Variants in DPP6 observed in about 807,000 individuals in gnomAD.
DPP6 encodes the protein A-type potassium channel modulatory protein DPP6.
A neutral mutation model predicts 122.6 loss-of-function variants in DPP6; 69 were observed. The ratio of observed to expected loss-of-function variants is 0.56; its 90% confidence interval spans 0.46 to 0.69. DPP6 has a LOEUF of 0.69. DPP6 is among the 30% of genes least tolerant of loss of function. The probability of loss-of-function intolerance (pLI) is 0.00; values close to 1 mark genes in which losing one functional copy is unlikely to be tolerated. For missense variants in DPP6, 928 were observed against 1,116.9 expected (o/e 0.83, Z 2.41); for synonymous variants, 418 against 433.1 (o/e 0.97, Z 0.43).
chr7:154,250,179 A>T (rs1396060611), intron 1 of DPP6, among the ~76,000 whole-genome samples: 2 of 152,044 alleles, frequency 1.3e-5, no homozygotes, highest in Non-Finnish European at 2.9e-5. Context: ...AAGGGACAGG[A>T]ATTGCTCACT....
At chr7:154,712,328 A>C (rs1460555935) in intron 7 of DPP6, among the ~76,000 whole-genome samples, 3 of 152,242 alleles carry the variant, frequency 2.0e-5, no homozygotes, top group East Asian at 1.9e-4. Context: ...CATTCTATCT[A>C]ATAAATCAAG....
intron 2 of DPP6, among the ~76,000 whole-genome samples, chr7:154,468,730 GAT>G (rs1393393249): frequency 6.6e-6 from 1 of 152,176 alleles, no homozygotes; most frequent in Non-Finnish European, 1.5e-5. Flanking sequence ...TAGTTCATAA[GAT>G]GTGCTGAATA....
At chr7:154,855,469 G>T (rs998027999) in intron 17 of DPP6, among the ~76,000 whole-genome samples, 3 of 152,166 alleles carry the variant, frequency 2.0e-5, no homozygotes, top group Non-Finnish European at 4.4e-5. Flanking sequence ...CAGCAAAAAG[G>T]TTCACCTGCT....
chr7:153,988,059 GCTCT>G (rs889186274), intron 1 of DPP6, among the ~76,000 whole-genome samples: 4 of 152,184 alleles, frequency 2.6e-5, no homozygotes, highest in African/African-American at 9.7e-5. Context: ...CTCAGCAACT[GCTCT>G]CTAATTACCC....
chr7:154,776,588 G>A (rs1444903714), intron 10 of DPP6, among the ~76,000 whole-genome samples: 1 of 152,084 alleles, frequency 6.6e-6, no homozygotes, highest in East Asian at 1.9e-4. Context: ...GTTCCTGTGG[G>A]GCGGGCCCTG....
chr7:154,669,330 T>A (rs998963409), intron 6 of DPP6, 30 bp from the exon 7 acceptor site: 14 of 1,551,720 alleles, frequency 9.0e-6, no homozygotes, highest in Middle Eastern at 3.3e-4. Flanking sequence ...AACATTTTGC[T>A]TTGTTTTTGT....
chr7:154,112,806 T>C (rs1408303155), intron 1 of DPP6, among the ~76,000 whole-genome samples: 12 of 152,122 alleles, frequency 7.9e-5, no homozygotes, highest in South Asian at 2.1e-4. Flanking sequence ...TCTTGTTAAC[T>C]GAAAGCACAA....
intron 1 of DPP6, among the ~76,000 whole-genome samples, chr7:154,166,176 T>C (rs1369509104): frequency 6.6e-6 from 1 of 152,142 alleles, no homozygotes; most frequent in Non-Finnish European, 1.5e-5. Context: ...TCTTTCATTC[T>C]CTATTTTAGA....
chr7:154,395,823 C>T (rs867241705), intron 1 of DPP6, among the ~76,000 whole-genome samples: 6 of 151,908 alleles, frequency 3.9e-5, no homozygotes, highest in East Asian at 1.9e-4. Context: ...GGCATCCTTA[C>T]GTTGTTCTCT....
At chr7:154,072,593 A>G (rs995940635) in intron 1 of DPP6, among the ~76,000 whole-genome samples, 4 of 152,292 alleles carry the variant, frequency 2.6e-5, no homozygotes, top group Non-Finnish European at 5.9e-5. Context: ...AAGCACTGGC[A>G]GAGAGCAGGT....
At chr7:154,013,545 A>C (rs1234382159) in intron 1 of DPP6, among the ~76,000 whole-genome samples, 1 of 151,674 alleles carries the variant, frequency 6.6e-6, no homozygotes, top group Admixed American at 6.6e-5. Context: ...AAAACAGGAA[A>C]ATCTATTTGT....
At chr7:153,964,918 C>CTT (rs1170671602) in intron 1 of DPP6, among the ~76,000 whole-genome samples, 22 of 71,388 alleles carry the variant, frequency 3.1e-4, no homozygotes, top group Admixed American at 1.3e-4. Flanking sequence ...CTTTTCCTTT[C>CTT]TTTCTTTCTT....
At chr7:153,928,396 A>ATGTTTTTTTTTTTTTTTTTTTTTTT (rs1275067491) in intron 1 of DPP6, among the ~76,000 whole-genome samples, 3 of 43,700 alleles carry the variant, frequency 6.9e-5, no homozygotes, top group African/African-American at 2.4e-4. Flanking sequence ...CTTTTCTTTC[A>ATGTTTTTTTTTTTTTTTTTTTTTTT]TTTTTTTTTT....
chr7:154,316,803 C>T (rs954882852), intron 1 of DPP6, among the ~76,000 whole-genome samples: 3 of 152,042 alleles, frequency 2.0e-5, no homozygotes, highest in Non-Finnish European at 4.4e-5. Flanking sequence ...GAAACTGTAG[C>T]ACGTACAGTT....
chr7:154,331,685 T>G (rs372589201), intron 1 of DPP6, among the ~76,000 whole-genome samples: 137 of 152,296 alleles, frequency 9.0e-4, no homozygotes, highest in African/African-American at 3.0e-3. Flanking sequence ...TGCTGTGCTG[T>G]GCCTGTGTGC....
At chr7:154,419,950 A>G (rs1048644054) in intron 1 of DPP6, among the ~76,000 whole-genome samples, 3 of 152,218 alleles carry the variant, frequency 2.0e-5, no homozygotes, top group African/African-American at 2.4e-5. Context: ...GTAAACGTCC[A>G]TTGAAATGTG....
chr7:154,194,644 T>C (rs926730745), intron 1 of DPP6, among the ~76,000 whole-genome samples: 2 of 152,230 alleles, frequency 1.3e-5, no homozygotes, highest in African/African-American at 4.8e-5. Flanking sequence ...AATTCTTTCG[T>C]TGTCAGACTT....
chr7:154,884,200 C>T (rs924181376), intron 21 of DPP6: 2 of 114,266 alleles, frequency 1.8e-5, no homozygotes, highest in Non-Finnish European at 3.7e-5. Context: ...ACATACACCT[C>T]CCACATACAC....
chr7:154,235,666 G>A (rs116727194), intron 1 of DPP6, among the ~76,000 whole-genome samples: 1 of 152,046 alleles, frequency 6.6e-6, no homozygotes, highest in Admixed American at 6.5e-5. Context: ...CCAGTTTGCT[G>A]TTCCAAAAGC....
Sources: gnomAD v4.1 joint callset for allele counts (sites outside exome capture counted in the v4.1 genomes callset) on GRCh38, gnomAD v4.1.1 for gene constraint, MANE v1.5 for transcripts, NCBI Gene and HGNC (gene_info 2026-07-23, HGNC 2026-07-21) for gene names.